ADAMTS17: variants seen among roughly 807,000 people sequenced by gnomAD.
The protein encoded by ADAMTS17 is ADAM metallopeptidase with thrombospondin type 1 motif 17.
In ADAMTS17, 113 loss-of-function variants were observed where a neutral mutation model predicts 141.5. The observed-to-expected ratio is 0.80, with a 90% CI of 0.69 to 0.93. The LOEUF is 0.93. Ranked by LOEUF, ADAMTS17 falls within the 40% of genes least tolerant of loss-of-function variation. The pLI is 0.00. For synonymous variants in ADAMTS17, 768 were observed against 630.6 expected (o/e 1.22, Z -3.27); for missense variants, 1,659 against 1,517.9 (o/e 1.09, Z -1.54).
In ADAMTS17 at chr15:100,310,723, GGCTTTACTGGGCTTTTCCCCTAA is replaced by G. The variant is rs369931409; in HGVS notation, c.616+20143_616+20165del. Among the ~76,000 whole-genome samples the G allele has an allele frequency of 4.9e-3, 740 of 152,276 alleles. 5 individuals are homozygous for G. The highest frequency in any genetic ancestry group is 0.028 in the South Asian group (136 of 4,812). ...TGCTCCACTGGGTGGGAACACTCCC[GGCTTTACTGGGCTTTTCCCCTAA>G]GCTTCATTGTCCAGCTCCATCCAAA... On this transcript the variant is annotated intron_variant, in intron 3 of 21. Transcript: ENST00000268070.
At chr15:99,975,031 T>C (rs1490701095) in intron 21 of ADAMTS17, among the ~76,000 whole-genome samples, 2 of 152,112 alleles carry the variant, frequency 1.3e-5, no homozygotes, top group South Asian at 2.1e-4. Context: ...GGTCCTGAAG[T>C]TCCCAAGCAG....
At chr15:100,329,393 G>A (rs1474736308) in intron 3 of ADAMTS17, among the ~76,000 whole-genome samples, 1 of 152,012 alleles carries the variant, frequency 6.6e-6, no homozygotes, top group Non-Finnish European at 1.5e-5. Context: ...AAATTAGCCA[G>A]GTGTGGTGGT....
At chr15:100,243,854 A>G (rs1372731044) in intron 7 of ADAMTS17, among the ~76,000 whole-genome samples, 2 of 142,284 alleles carry the variant, frequency 1.4e-5, no homozygotes, top group African/African-American at 2.6e-5. Flanking sequence ...GAAAGTGGTC[A>G]TCCTAATGAG....
chr15:100,201,164 C>G lies in ADAMTS17; in HGVS notation c.1076-1741G>C, dbSNP rs189839206. Among the ~76,000 whole-genome samples, 188 of 152,316 alleles carry G rather than the reference C, an allele frequency of 1.2e-3. 3 individuals are homozygous for G. The highest frequency in any genetic ancestry group is 3.4e-3 in the African/African-American group (141 of 41,570). ...GTGGTCCCTCTGATGTGGTGTGGCTCTGTGTCCCCACCCAAATCTCATCTC... is the reference window on the plus strand; with the variant it reads ...GTGGTCCCTCTGATGTGGTGTGGCTGTGTGTCCCCACCCAAATCTCATCTC... On this transcript the variant is annotated intron_variant, in intron 7 of 21. Coordinates refer to ENST00000268070, the MANE Select transcript of ADAMTS17 (RefSeq NM_139057.4).
chr15:100,188,379 G>A (rs1332677478), intron 8 of ADAMTS17, among the ~76,000 whole-genome samples: 11 of 150,408 alleles, frequency 7.3e-5, no homozygotes, highest in African/African-American at 2.5e-4. Flanking sequence ...GCCCGGCCAC[G>A]AAGCCCTGTC....
At position 99,997,360 on chromosome 15, in the gene ADAMTS17, C is replaced by A; in HGVS notation, c.2796+25G>T. 6.2e-7 allele frequency: 1 copy of A among 1,613,212 alleles called. No individual in the cohort carries two copies. The highest frequency in any genetic ancestry group is 8.5e-7 in the Non-Finnish European group (1 of 1,179,764). ...CGTGTTGGAGTCCCTGTGGCTGAGT[C>A]CTGGTGGCAAGCCCAGGCACCCACC... On this transcript the variant is annotated intron_variant, in intron 19 of 21. Coordinates refer to ENST00000268070, the MANE Select transcript of ADAMTS17 (RefSeq NM_139057.4). The surrounding 1 kb of genome is among the most constrained non-coding windows in gnomAD (Gnocchi z 4.7).
intron 7 of ADAMTS17, among the ~76,000 whole-genome samples, chr15:100,240,113 G>A (rs1440516303): frequency 6.6e-6 from 1 of 152,204 alleles, no homozygotes; most frequent in Non-Finnish European, 1.5e-5. Flanking sequence ...ACTCATTCCT[G>A]TAACCAGCTG....
chr15:100,109,172 AG>A, intron 13 of ADAMTS17, 56 bp from the exon 14 acceptor site: 1 of 1,561,106 alleles, frequency 6.4e-7, no homozygotes, highest in African/African-American at 1.4e-5. Context: ...TGGGCCATGC[AG>A]GGCACAGGTA....
chr15:100,235,024 G>A (rs75360679), intron 7 of ADAMTS17, among the ~76,000 whole-genome samples: 39 of 152,304 alleles, frequency 2.6e-4, no homozygotes, highest in East Asian at 2.3e-3. Flanking sequence ...TTATGTTCAC[G>A]GAATAAAACC....
At chr15:100,240,771 T>C (rs34235745) in intron 7 of ADAMTS17, among the ~76,000 whole-genome samples, 53,240 of 152,058 alleles carry the variant, frequency 0.35, 9,681 homozygotes, top group East Asian at 0.49. Context: ...TCTGTGTTCC[T>C]CATTGCTGAG....
intron 2 of ADAMTS17, among the ~76,000 whole-genome samples, chr15:100,334,377 AGT>A (rs2046145106): frequency 6.6e-6 from 1 of 152,194 alleles, no homozygotes; most frequent in Non-Finnish European, 1.5e-5. Flanking sequence ...TTTCTTCAGG[AGT>A]CTGCAGCTCC....
At chr15:100,271,144 C>T (rs908831051) in intron 4 of ADAMTS17, among the ~76,000 whole-genome samples, 1 of 152,146 alleles carries the variant, frequency 6.6e-6, no homozygotes, top group Non-Finnish European at 1.5e-5. Flanking sequence ...CCTACGCATC[C>T]ATCTGTGGAC....
chr15:100,292,661 A>T (rs1345378256), intron 3 of ADAMTS17, among the ~76,000 whole-genome samples: 1 of 152,246 alleles, frequency 6.6e-6, no homozygotes, highest in African/African-American at 2.4e-5. Context: ...TCAGGACTAC[A>T]TCCCATTCTA....
chr15:100,161,537 T>C (rs1422401219), intron 8 of ADAMTS17, among the ~76,000 whole-genome samples: 3 of 152,186 alleles, frequency 2.0e-5, no homozygotes, highest in East Asian at 1.9e-4. Flanking sequence ...TCCTATTCAA[T>C]AGATGCTTAT....
intron 10 of ADAMTS17, among the ~76,000 whole-genome samples, chr15:100,144,737 G>A (rs1162807293): frequency 2.0e-5 from 3 of 151,856 alleles, no homozygotes; most frequent in East Asian, 1.9e-4. Flanking sequence ...CCAAGGACCC[G>A]AGGTGAGCAG....
rs535667108 is a variant in ADAMTS17 at position 100,217,624 on chromosome 15, A to T, written c.1076-18201T>A. ...AAAAACAAACAAAACAAAAAAGTAA[A>T]TATTTGTGATCCTGGGTTAGGCAAT... On this transcript the variant is annotated intron_variant, in intron 7 of 21. Transcript: ENST00000268070. Among the ~76,000 whole-genome samples, 214 of 152,262 alleles carry T rather than the reference A, an allele frequency of 1.4e-3. 5 individuals are homozygous for T. In the South Asian group the frequency reaches 0.043, roughly 31 times the overall value.
chr15:100,179,575 C>T (rs1295875630), intron 8 of ADAMTS17, among the ~76,000 whole-genome samples: 3 of 152,174 alleles, frequency 2.0e-5, no homozygotes, highest in Non-Finnish European at 4.4e-5. Context: ...AGAGAGATTG[C>T]TGGATCACAA....
chr15:100,155,285 C>T lies in ADAMTS17; in HGVS notation c.1217G>A (p.Cys406Tyr), dbSNP rs2039379535. ...GMNHDDDHSS[C>Y]AGRSHIMSGE... Reference sequence around the variant, plus strand: ...TGACATGATGTGGGACCTGCCAGCGCAAGATGAGTGGTCATCGTCGTGGTT... The same window carrying T: ...TGACATGATGTGGGACCTGCCAGCGTAAGATGAGTGGTCATCGTCGTGGTT... Residue 406 changes from cysteine to tyrosine, a missense_variant, in exon 9 of 22, where the codon TGC becomes TAC. Physicochemically the swap from Cys to Tyr is radical, Grantham distance 194. Coordinates refer to ENST00000268070, the MANE Select transcript of ADAMTS17 (RefSeq NM_139057.4). 1 of 1,614,116 alleles carries T rather than the reference C, an allele frequency of 6.2e-7. No homozygotes were observed. Among genetic ancestry groups the T allele is most frequent in the Non-Finnish European group, 8.5e-7 (1 of 1,180,016 alleles).
chr15:99,987,063 C>G (rs1371832477), intron 20 of ADAMTS17, among the ~76,000 whole-genome samples: 1 of 152,194 alleles, frequency 6.6e-6, no homozygotes, highest in African/African-American at 2.4e-5. Flanking sequence ...GGCCTGCCCA[C>G]CTCCCCAAGG....
Sources: allele counts gnomAD v4.1 joint callset (sites outside exome capture counted in the v4.1 genomes callset), GRCh38; gene constraint gnomAD v4.1.1; non-coding constraint Gnocchi (gnomAD v3.1); transcripts MANE v1.5; gene names NCBI Gene and HGNC (gene_info 2026-07-23, HGNC 2026-07-21).